Variants in MEIOSIN observed in about 807,000 individuals in gnomAD.
The protein encoded by MEIOSIN is meiosis initiator, also known as meiosis initiator protein.
Under a neutral mutation model 23.4 loss-of-function variants are expected in MEIOSIN, and 18 were observed. That is an observed-to-expected ratio of 0.77 (90% confidence interval 0.53 to 1.14). MEIOSIN has a LOEUF of 1.14. MEIOSIN is among the 50% of genes most tolerant of loss of function. MEIOSIN has a pLI of 0.00. For missense variants in MEIOSIN, 428 were observed against 242.9 expected, an observed-to-expected ratio of 1.76 and a Z score of -5.07; for synonymous variants, 187 against 100.6, an observed-to-expected ratio of 1.86 and a Z score of -5.14.
At position 45,739,749 on chromosome 19, in the gene MEIOSIN, G is replaced by C. The variant is rs536272085; in HGVS notation, c.176+19G>C. 2 of 703,532 alleles carry C rather than the reference G, an allele frequency of 2.8e-6. No individual in the cohort carries two copies. The highest frequency in any genetic ancestry group is 1.5e-5 in the South Asian group (1 of 67,596). 43.6% of individuals were successfully genotyped at this position (703,532 alleles called of 1,614,324 possible). A position where few individuals can be genotyped will look rare whatever the true frequency, so the allele number is the denominator to read the frequency against. On this transcript the variant is annotated intron_variant, in intron 3 of 14. Transcript: ENST00000457052. ...AACTGAGGTACTGTTAACAGAAAAG[G>C]GGGGATTGGATGTTGGCCAAGCAAA... is the stretch of plus-strand genomic sequence containing the variant.
intron 4 of MEIOSIN, 37 bp from the exon 5 acceptor site, chr19:45,750,638 C>T (rs1319252831): frequency 5.8e-6 from 3 of 514,818 alleles, no homozygotes; most frequent in African/African-American, 2.0e-5. Context: ...TGATTACAGG[C>T]GTGAGCCTGG....
chr19:45,752,545 G>A (rs1224461382), intron 5 of MEIOSIN, among the ~76,000 whole-genome samples: 2 of 152,014 alleles, frequency 1.3e-5, no homozygotes, highest in East Asian at 3.9e-4. Context: ...TAGAGACAGA[G>A]TCTCACTGTG....
chr19:45,735,940 G>A (rs560694851), intron 2 of MEIOSIN, among the ~76,000 whole-genome samples: 1 of 152,120 alleles, frequency 6.6e-6, no homozygotes, highest in East Asian at 1.9e-4. Flanking sequence ...GCCTCCCAAA[G>A]TGCTGGGATT....
chr19:45,745,048 G>T, intron 3 of MEIOSIN, 144 bp from the exon 4 acceptor site: 2 of 632,082 alleles, frequency 3.2e-6, no homozygotes, highest in Non-Finnish European at 5.7e-6. Flanking sequence ...TAACAAGTAC[G>T]GGTGATGCCT....
chr19:45,750,360 CTTTTTTTTTTTTT>C (rs11295860), intron 4 of MEIOSIN, among the ~76,000 whole-genome samples: 8 of 98,526 alleles, frequency 8.1e-5, no homozygotes, highest in Non-Finnish European at 1.2e-4. Flanking sequence ...TTTTCTTTTT[CTTTTTTTTTTTTT>C]TTTTGAGACA....
chr19:45,736,210 C>T (rs1245550225), intron 2 of MEIOSIN, among the ~76,000 whole-genome samples: 1 of 152,072 alleles, frequency 6.6e-6, no homozygotes, highest in East Asian at 1.9e-4. Context: ...CCACACCCAG[C>T]CAGTTTTTCT....
intron 3 of MEIOSIN, among the ~76,000 whole-genome samples, chr19:45,741,331 C>T (rs1022925581): frequency 1.3e-4 from 19 of 149,022 alleles, no homozygotes; most frequent in African/African-American, 1.2e-4. Flanking sequence ...TGGACAAGAG[C>T]GAGACTCTGT....
At chr19:45,737,097 G>T (rs1373683391) in intron 2 of MEIOSIN, among the ~76,000 whole-genome samples, 1 of 151,348 alleles carries the variant, frequency 6.6e-6, no homozygotes, top group Non-Finnish European at 1.5e-5. Flanking sequence ...TCGAACTCCT[G>T]ATCTCAGGTG....
chr19:45,761,637 C>T (rs1177788740), intron 11 of MEIOSIN, 42 bp from the exon 12 acceptor site: 2 of 688,682 alleles, frequency 2.9e-6, no homozygotes, highest in South Asian at 3.1e-5. Flanking sequence ...GAAGGGGCAC[C>T]ACTTGTCTCC....
At chr19:45,759,359 G>A in intron 10 of MEIOSIN, 55 bp from the exon 11 acceptor site, 3 of 701,280 alleles carry the variant, frequency 4.3e-6, no homozygotes, top group South Asian at 1.5e-5. Context: ...GCTGAAGCTG[G>A]GCGGTGTGGG....
intron 3 of MEIOSIN, among the ~76,000 whole-genome samples, chr19:45,743,745 C>G (rs969316998): frequency 6.6e-6 from 1 of 152,174 alleles, no homozygotes; most frequent in Non-Finnish European, 1.5e-5. Context: ...TGGCCTTGAA[C>G]TCCTGGGCCC....
rs1443219590 is a variant in MEIOSIN, at chr19:45,753,703, C to A, written c.471C>A (p.Thr157=). The A allele has an allele frequency of 4.3e-6, 3 of 702,846 alleles. No individual in the cohort carries two copies. The African/African-American group carries it at 5.2e-5, about 12-fold the overall frequency. The allele number at this position is 702,846 out of a possible 1,614,324, so 43.5% of individuals were successfully genotyped here. ...CAGCCAGGCGGAGGAGACACTCTACCCCCTCCAGCTCCCCAAGCTCTCAGA... is the reference window on the plus strand; with the variant it reads ...CAGCCAGGCGGAGGAGACACTCTACACCCTCCAGCTCCCCAAGCTCTCAGA... The part of the protein sequence containing the change: ...WGPARRRRHS[T]PSSSPSSQKS... Residue 157 remains threonine, a synonymous_variant, in exon 6 of 15, where the codon ACC becomes ACA. Coordinates refer to ENST00000457052, the MANE Select transcript of MEIOSIN (RefSeq NM_001310124.2).
At chr19:45,753,895 G>A (rs1328059259) in intron 6 of MEIOSIN, 107 bp downstream of exon 6, 10 of 605,916 alleles carry the variant, frequency 1.7e-5, no homozygotes, top group Middle Eastern at 2.6e-4. Context: ...ACCCTGTGCC[G>A]GGGTTCAACT....
chr19:45,748,446 AT>A (rs1968634663), intron 4 of MEIOSIN, among the ~76,000 whole-genome samples: 1 of 152,162 alleles, frequency 6.6e-6, no homozygotes, highest in African/African-American at 2.4e-5. Context: ...GCCTTCAACC[AT>A]TCTGTCACTC....
At chr19:45,754,401 T>G in intron 6 of MEIOSIN, 78 bp from the exon 7 acceptor site, 1 of 637,906 alleles carries the variant, frequency 1.6e-6, no homozygotes, top group Non-Finnish European at 2.8e-6. Context: ...GACAAGGATG[T>G]TTCCCACCTG....
chr19:45,735,493 G>A (rs887932055), intron 2 of MEIOSIN, 46 bp downstream of exon 2: 6 of 670,456 alleles, frequency 8.9e-6, no homozygotes, highest in South Asian at 1.6e-5. Context: ...CACTCTCATT[G>A]AATAATAATA....
intron 2 of MEIOSIN, 125 bp from the exon 3 acceptor site, chr19:45,739,501 C>G: frequency 1.5e-6 from 1 of 646,766 alleles, no homozygotes; most frequent in Non-Finnish European, 2.8e-6. Context: ...AGTTCCAGGT[C>G]TATATCTTGC....
In MEIOSIN at chr19:45,764,353, A is replaced by G. The variant is rs961860521; in HGVS notation, c.*235A>G. On this transcript the variant is annotated 3_prime_UTR_variant, in exon 15 of 15. Coordinates refer to ENST00000457052, the MANE Select transcript of MEIOSIN (RefSeq NM_001310124.2). ...TCCCCCAGGCTTAGGAAGGAAACCC[A>G]AAATGAAATGCGGGGTGTCGGAAGG... The G allele has an allele frequency of 2.6e-6, 1 of 387,006 alleles. No individual in the cohort carries two copies. Among genetic ancestry groups the G allele is most frequent in the Admixed American group, 4.5e-5 (1 of 22,342 alleles). The allele number at this position is 387,006 out of a possible 1,614,324, so 24.0% of individuals were successfully genotyped here.
At chr19:45,759,806 A>G (rs1212542092) in intron 11 of MEIOSIN, among the ~76,000 whole-genome samples, 2 of 151,860 alleles carry the variant, frequency 1.3e-5, no homozygotes, top group African/African-American at 4.8e-5. Flanking sequence ...ATTTTATTTT[A>G]TTTTATTTTA....
Sources: allele counts gnomAD v4.1 joint callset (sites outside exome capture counted in the v4.1 genomes callset), GRCh38; gene constraint gnomAD v4.1.1; transcripts MANE v1.5; gene names NCBI Gene and HGNC (gene_info 2026-07-23, HGNC 2026-07-21).